SLC28A1: variants seen among roughly 807,000 people sequenced by gnomAD.
SLC28A1 encodes the protein sodium/nucleoside cotransporter 1.
In SLC28A1, 64 loss-of-function variants were observed where a neutral mutation model predicts 74.8. The ratio of observed to expected loss-of-function variants is 0.86; its 90% CI spans 0.70 to 1.05. The LOEUF (loss-of-function observed/expected upper bound fraction) is 1.05, where lower values mean the gene tolerates loss of function less well. Among genes scored for constraint, SLC28A1 ranks in the 50% least tolerant of loss-of-function variants. The pLI is 0.00. For missense variants in SLC28A1, 828 were observed against 822.8 expected (o/e 1.01, Z -0.08); for synonymous variants, 359 against 335.0 (o/e 1.07, Z -0.78).
At chr15:84,915,222 G>A (rs941724060) in intron 9 of SLC28A1, among the ~76,000 whole-genome samples, 2 of 152,156 alleles carry the variant, frequency 1.3e-5, no homozygotes, top group African/African-American at 2.4e-5. Context: ...GTTCTCTGTC[G>A]GGTGACTTCC....
At chr15:84,974,604 T>C in the SLC28A1 span, among the ~76,000 whole-genome samples, 1 of 152,064 alleles carries the variant, frequency 6.6e-6, no homozygotes, top group Non-Finnish European at 1.5e-5. Context: ...ATGTCTTGTG[T>C]GAGGGAGGAG....
chr15:84,907,289 G>T (rs1567141792), intron 8 of SLC28A1, among the ~76,000 whole-genome samples: 1 of 152,158 alleles, frequency 6.6e-6, no homozygotes, highest in Non-Finnish European at 1.5e-5. Flanking sequence ...TTAACACTTA[G>T]AATTTTTTTT....
chr15:84,905,386 G>A (rs1278944957), intron 7 of SLC28A1, among the ~76,000 whole-genome samples, 153 bp from the exon 8 acceptor site: 1 of 152,214 alleles, frequency 6.6e-6, no homozygotes, highest in East Asian at 1.9e-4. Context: ...CTGAATCCCA[G>A]GGAGGGTGTG....
At chr15:84,923,213 C>G (rs1211386090) in intron 11 of SLC28A1, among the ~76,000 whole-genome samples, 1 of 152,200 alleles carries the variant, frequency 6.6e-6, no homozygotes, top group African/African-American at 2.4e-5. Context: ...GCTGGGATTG[C>G]AGGCGTGAGC....
chr15:84,924,286 T>C (rs1970218368), intron 12 of SLC28A1, among the ~76,000 whole-genome samples, 176 bp downstream of exon 12: 1 of 151,738 alleles, frequency 6.6e-6, no homozygotes, highest in South Asian at 2.1e-4. Context: ...GCTCGGGCTT[T>C]GCGCATGGCC....
At chr15:84,934,175 T>C (rs975154248) in intron 13 of SLC28A1, among the ~76,000 whole-genome samples, 1 of 152,204 alleles carries the variant, frequency 6.6e-6, no homozygotes, top group Non-Finnish European at 1.5e-5. Context: ...ATTCAGACCA[T>C]AGCATTTGCA....
chr15:84,931,249 C>T (rs980485813), intron 12 of SLC28A1, among the ~76,000 whole-genome samples: 9 of 152,114 alleles, frequency 5.9e-5, no homozygotes, highest in Admixed American at 2.6e-4. Context: ...TTCAACTTAC[C>T]TCCCTCCTCC....
intron 12 of SLC28A1, among the ~76,000 whole-genome samples, chr15:84,925,557 A>T (rs1970419156): frequency 6.6e-6 from 1 of 152,146 alleles, no homozygotes; most frequent in Non-Finnish European, 1.5e-5. Context: ...CTGAGATCGC[A>T]CCACTGCACA....
intron 9 of SLC28A1, among the ~76,000 whole-genome samples, chr15:84,916,923 G>A (rs1156780741): frequency 2.0e-5 from 3 of 151,666 alleles, no homozygotes; most frequent in African/African-American, 7.3e-5. Flanking sequence ...AGCTACTTGG[G>A]AGGCTGAGGC....
chr15:84,961,337 T>TA, the SLC28A1 span, among the ~76,000 whole-genome samples: 2 of 151,882 alleles, frequency 1.3e-5, no homozygotes, highest in African/African-American at 2.4e-5. Context: ...GAGAATTTTT[T>TA]TTTTTTTTTT....
chr15:84,891,845 G>A (rs7182385), intron 5 of SLC28A1, among the ~76,000 whole-genome samples: 52,674 of 151,930 alleles, frequency 0.35, 9,637 homozygotes, highest in Non-Finnish European at 0.42. Flanking sequence ...GTCAAGGATG[G>A]GCATGAGTTT....
chr15:84,930,778 G>GT lies in SLC28A1; in HGVS notation c.1084-2358dup, dbSNP rs1234245933. On this transcript the variant is annotated intron_variant, in intron 12 of 18. Coordinates refer to ENST00000394573, the MANE Select transcript of SLC28A1 (RefSeq NM_004213.5). ...CCACCACCACACCAGGCTAATTTTT[G>GT]TTTTTTTTTGAGATGGAGTCTCGCA... Among the ~76,000 whole-genome samples, 152 of 147,902 alleles carry GT rather than the reference G, an allele frequency of 1.0e-3. 1 individual carries two copies. Among genetic ancestry groups the GT allele is most frequent in the Admixed American group, 2.2e-3 (33 of 14,746 alleles).
downstream of SLC28A1, among the ~76,000 whole-genome samples, chr15:84,949,996 T>G (rs1030656477): frequency 2.3e-4 from 35 of 152,180 alleles, no homozygotes; most frequent in Admixed American, 7.9e-4. Flanking sequence ...CAGCTTTGGA[T>G]GAAGTTCTGA....
intron 9 of SLC28A1, 79 bp downstream of exon 9, chr15:84,908,874 T>C (rs1967712775): frequency 1.7e-6 from 2 of 1,186,286 alleles, no homozygotes; most frequent in South Asian, 2.5e-5. Flanking sequence ...CTGGGCATGG[T>C]GGGGGCCCAG....
At chr15:84,932,616 G>A (rs573577841) in intron 12 of SLC28A1, among the ~76,000 whole-genome samples, 39 of 152,294 alleles carry the variant, frequency 2.6e-4, no homozygotes, top group Admixed American at 4.6e-4. Flanking sequence ...ACCTTCCTAC[G>A]CTAGTACATA....
intron 1 of SLC28A1, 63 bp downstream of exon 1, chr15:84,884,814 T>G (rs1596169906): frequency 5.3e-4 from 395 of 752,188 alleles, no homozygotes; most frequent in Non-Finnish European, 5.9e-4. Flanking sequence ...GGGAAGGGGG[T>G]AGCACAGGGC....
chr15:84,928,588 T>C (rs868054873), intron 12 of SLC28A1, among the ~76,000 whole-genome samples: 1,010 of 16,978 alleles, frequency 0.059, 35 homozygotes, highest in Middle Eastern at 0.12. Context: ...CTTTCTTTCT[T>C]TCTTTCTTTC....
In SLC28A1 at chr15:84,933,153, C is replaced by T; in HGVS notation, c.1092C>T (p.Ala364=). 5.6e-6 allele frequency: 9 copies of T among 1,613,508 alleles called. No homozygotes were observed. Among genetic ancestry groups the T allele is most frequent in the Non-Finnish European group, 6.8e-6 (8 of 1,179,730 alleles). ...CACTCTCACTCTTGCAGATCGATGC[C>T]ACCTCGTTGATTGCAGCCTCTGTGA... The part of the protein sequence containing the change: ...LGAYISFGID[A]TSLIAASVMA... The change falls in exon 13 of 19, where the codon GCC becomes GCT. Residue 364 remains alanine, a synonymous_variant. Transcript: ENST00000394573.
chr15:84,899,284 C>T (rs192204746), intron 6 of SLC28A1, among the ~76,000 whole-genome samples: 26 of 152,018 alleles, frequency 1.7e-4, no homozygotes, highest in Admixed American at 8.5e-4. Flanking sequence ...CAGTTAACCA[C>T]GGCACAACTT....
Sources: allele counts gnomAD v4.1 joint callset (sites outside exome capture counted in the v4.1 genomes callset), GRCh38; gene constraint gnomAD v4.1.1; transcripts MANE v1.5; gene names NCBI Gene and HGNC (gene_info 2026-07-23, HGNC 2026-07-21).